Variants in CDH18 observed in about 807,000 individuals in gnomAD.
CDH18 encodes cadherin-18.
A neutral mutation model predicts 67.9 loss-of-function variants in CDH18; 31 were observed. That is an observed-to-expected ratio of 0.46 (90% CI 0.34 to 0.62). The LOEUF (loss-of-function observed/expected upper bound fraction) is 0.62, where lower values mean the gene tolerates loss of function less well. Ranked by LOEUF, CDH18 falls within the 20% of genes least tolerant of loss-of-function variation. The probability of loss-of-function intolerance (pLI) is 0.01; values close to 1 mark genes in which losing one functional copy is unlikely to be tolerated. For missense variants in CDH18, 890 were observed against 975.5 expected (o/e 0.91, Z 1.17); for synonymous variants, 362 against 347.2 (o/e 1.04, Z -0.48).
At chr5:20,499,095 A>C (rs938590617) in intron 1 of CDH18, among the ~76,000 whole-genome samples, 1 of 151,876 alleles carries the variant, frequency 6.6e-6, no homozygotes, top group Non-Finnish European at 1.5e-5. Flanking sequence ...AACAAACTAA[A>C]CTATATATAC....
chr5:19,917,503 A>G (rs1791960394), intron 2 of CDH18, among the ~76,000 whole-genome samples: 1 of 152,160 alleles, frequency 6.6e-6, no homozygotes, highest in Admixed American at 6.6e-5. Context: ...GTATATTAAG[A>G]GTAAAACTGC....
At chr5:20,403,379 C>T (rs1745946754) in intron 1 of CDH18, among the ~76,000 whole-genome samples, 1 of 151,914 alleles carries the variant, frequency 6.6e-6, no homozygotes, top group Non-Finnish European at 1.5e-5. Flanking sequence ...GATCCTGTCA[C>T]CCAGATCGTG....
intron 12 of CDH18, among the ~76,000 whole-genome samples, chr5:19,479,935 C>A (rs904091161): frequency 6.6e-6 from 1 of 152,122 alleles, no homozygotes; most frequent in African/African-American, 2.4e-5. Context: ...AAAACATTTT[C>A]ATAAAAACCA....
intron 2 of CDH18, among the ~76,000 whole-genome samples, chr5:20,201,657 A>T (rs1488492775): frequency 6.6e-6 from 1 of 152,180 alleles, no homozygotes; most frequent in African/African-American, 2.4e-5. Context: ...TATATAATAC[A>T]TGAATAAAAG....
intron 1 of CDH18, among the ~76,000 whole-genome samples, chr5:20,431,347 C>T (rs1310610335): frequency 1.3e-5 from 2 of 151,462 alleles, no homozygotes; most frequent in East Asian, 1.9e-4. Context: ...AAAAACATTA[C>T]GTGGGTATGG....
chr5:20,192,079 T>C (rs1013282761), intron 2 of CDH18, among the ~76,000 whole-genome samples: 1 of 152,094 alleles, frequency 6.6e-6, no homozygotes, highest in South Asian at 2.1e-4. Context: ...TATCTCATTG[T>C]GGTTTTGATT....
chr5:20,080,135 CTTA>C (rs1744323705), intron 2 of CDH18, among the ~76,000 whole-genome samples: 1 of 152,086 alleles, frequency 6.6e-6, no homozygotes, highest in African/African-American at 2.4e-5. Flanking sequence ...TGTATGCTAT[CTTA>C]TTATAGATCA....
intron 1 of CDH18, among the ~76,000 whole-genome samples, chr5:20,260,962 G>T (rs1744606926): frequency 6.6e-6 from 1 of 152,184 alleles, no homozygotes; most frequent in African/African-American, 2.4e-5. Context: ...GTTTAGCCTT[G>T]TGATAGCCAG....
At chr5:19,969,109 G>C (rs1198354751) in intron 2 of CDH18, among the ~76,000 whole-genome samples, 1 of 146,262 alleles carries the variant, frequency 6.8e-6, no homozygotes, top group East Asian at 1.9e-4. Context: ...ACCATCACTG[G>C]CCATCAGAGA....
chr5:20,029,290 G>A (rs1269978106), intron 2 of CDH18, among the ~76,000 whole-genome samples: 1 of 152,136 alleles, frequency 6.6e-6, no homozygotes, highest in Non-Finnish European at 1.5e-5. Flanking sequence ...TTCGTGGTCA[G>A]AAAGAGGTAG....
chr5:20,170,061 C>T (rs571957738), intron 2 of CDH18, among the ~76,000 whole-genome samples: 93 of 151,812 alleles, frequency 6.1e-4, no homozygotes, highest in African/African-American at 2.1e-3. Context: ...ATGTGCAGAA[C>T]GTGCAGGTTT....
chr5:20,277,846 T>G (rs915691440), intron 1 of CDH18, among the ~76,000 whole-genome samples: 1 of 152,078 alleles, frequency 6.6e-6, no homozygotes, highest in Admixed American at 6.6e-5. Context: ...CAAGCAGAAA[T>G]TCTGGAGTTG....
At chr5:20,566,201 CAAGT>C (rs1758492330) in intron 1 of CDH18, among the ~76,000 whole-genome samples, 1 of 152,004 alleles carries the variant, frequency 6.6e-6, no homozygotes, top group Admixed American at 6.6e-5. Context: ...TCTGGATCAT[CAAGT>C]AATAGAAGGC....
At chr5:19,694,862 A>T (rs1451833290) in intron 5 of CDH18, among the ~76,000 whole-genome samples, 1 of 126,188 alleles carries the variant, frequency 7.9e-6, no homozygotes, top group Non-Finnish European at 1.7e-5. Flanking sequence ...CAACAGAGTG[A>T]GACTCTGTCT....
chr5:20,385,850 A>T (rs1425718205), intron 1 of CDH18, among the ~76,000 whole-genome samples: 1 of 152,176 alleles, frequency 6.6e-6, no homozygotes, highest in Admixed American at 6.5e-5. Context: ...TAAACAATCA[A>T]TTTTCACTAT....
intron 1 of CDH18, among the ~76,000 whole-genome samples, chr5:20,486,256 T>C (rs1753169850): frequency 6.6e-6 from 1 of 152,156 alleles, no homozygotes; most frequent in Admixed American, 6.6e-5. Context: ...GAGTAAGCGA[T>C]ATCTAAGAGC....
intron 1 of CDH18, among the ~76,000 whole-genome samples, chr5:20,275,442 G>GGC (rs1745737569): frequency 1.3e-5 from 2 of 152,108 alleles, no homozygotes; most frequent in African/African-American, 4.8e-5. Flanking sequence ...CTGCTCAACT[G>GGC]TGAGTCAGGT....
intron 10 of CDH18, among the ~76,000 whole-genome samples, chr5:19,510,855 A>G (rs1043953861): frequency 1.3e-5 from 2 of 149,186 alleles, no homozygotes; most frequent in African/African-American, 5.0e-5. Flanking sequence ...CTTGTTGCCT[A>G]GGCTGGAGTG....
At chr5:20,346,342 G>C (rs1407139721) in intron 1 of CDH18, among the ~76,000 whole-genome samples, 1 of 152,186 alleles carries the variant, frequency 6.6e-6, no homozygotes, top group Non-Finnish European at 1.5e-5. Flanking sequence ...TTTTTGGACA[G>C]TTAATGCCTA....
Sources: gnomAD v4.1 joint callset for allele counts (sites outside exome capture counted in the v4.1 genomes callset) on GRCh38, gnomAD v4.1.1 for gene constraint, MANE v1.5 for transcripts, NCBI Gene and HGNC (gene_info 2026-07-23, HGNC 2026-07-21) for gene names.